The following STARD13 variants were observed in gnomAD, a reference collection of about 807,000 sequenced individuals.
STARD13 encodes the protein StAR related lipid transfer domain containing 13.
In STARD13, 62 loss-of-function variants were observed where a neutral mutation model predicts 106.4. The ratio of observed to expected loss-of-function variants is 0.58; its 90% CI spans 0.48 to 0.72. The LOEUF (loss-of-function observed/expected upper bound fraction) is 0.72, where lower values mean the gene tolerates loss of function less well. STARD13 is among the 30% of genes least tolerant of loss of function. The pLI is 0.00. For missense variants in STARD13, 1,387 were observed against 1,424.0 expected, an observed-to-expected ratio of 0.97 and a Z score of 0.42; for synonymous variants, 565 against 553.0, an observed-to-expected ratio of 1.02 and a Z score of -0.31.
chr13:33,659,305 T>C, the STARD13 span, among the ~76,000 whole-genome samples: 1 of 147,478 alleles, frequency 6.8e-6, no homozygotes, highest in Non-Finnish European at 1.5e-5. Context: ...AACCTCTGCC[T>C]CCCGGGTTCA....
At chr13:33,568,009 T>C in the STARD13 span, among the ~76,000 whole-genome samples, 1 of 145,476 alleles carries the variant, frequency 6.9e-6, no homozygotes, top group South Asian at 2.2e-4. Flanking sequence ...ATTGTTTTTA[T>C]GGATAATGGT....
At chr13:33,647,276 G>A in the STARD13 span, among the ~76,000 whole-genome samples, 136 of 152,140 alleles carry the variant, frequency 8.9e-4, no homozygotes, top group African/African-American at 3.3e-3. Context: ...CATCCCATGG[G>A]ACTCAAAAAA....
chr13:33,448,467 T>C, the STARD13 span, among the ~76,000 whole-genome samples: 2 of 152,264 alleles, frequency 1.3e-5, no homozygotes, highest in Admixed American at 1.3e-4. Context: ...TAGTATTCCA[T>C]TGTGTATATA....
chr13:33,637,424 G>T, the STARD13 span, among the ~76,000 whole-genome samples: 1 of 152,328 alleles, frequency 6.6e-6, no homozygotes, highest in Admixed American at 6.5e-5. Flanking sequence ...TCTGGCCTAG[G>T]GGGTAAATGA....
intron 1 of STARD13, among the ~76,000 whole-genome samples, chr13:33,303,768 G>A (rs975941336): frequency 2.0e-5 from 3 of 152,182 alleles, no homozygotes. Flanking sequence ...CACTCAGTGA[G>A]AAGGTCTTAT....
chr13:33,571,716 G>C, the STARD13 span, among the ~76,000 whole-genome samples: 1 of 152,162 alleles, frequency 6.6e-6, no homozygotes. Context: ...TGCTATGCAG[G>C]GTCCAGGGAT....
Position 33,167,575 on chromosome 13 carries a change from G to A in STARD13, c.217C>T (p.Pro73Ser). Reference sequence around the variant, plus strand: ...CCCTCATATAACTGAGCGTATTGCGGGAACCCGGCAGCACGGAGCCAGTCA... The same window carrying A: ...CCCTCATATAACTGAGCGTATTGCGAGAACCCGGCAGCACGGAGCCAGTCA... ...ACDWLRAAGF[P>S]QYAQLYEDSQ... is the part of the protein sequence containing the mutation. Residue 73 changes from proline (P) to serine (S), a missense_variant, in exon 2 of 14, where the codon CCG becomes TCG. Transcript: ENST00000336934. 6.2e-7 allele frequency: 1 copy of A among 1,614,152 alleles called. No homozygotes were observed. Among genetic ancestry groups the A allele is most frequent in the South Asian group, 1.1e-5 (1 of 91,078 alleles).
the STARD13 span, among the ~76,000 whole-genome samples, chr13:33,446,033 G>A: frequency 6.6e-6 from 1 of 151,968 alleles, no homozygotes; most frequent in Non-Finnish European, 1.5e-5. Context: ...AAAAAGTATA[G>A]GGTTTAAAAA....
chr13:33,340,439 T>C lies in STARD13; in HGVS notation c.124+9851A>G, dbSNP rs561368787. On this transcript the variant is annotated intron_variant, in intron 1 of 5. Coordinates refer to the STARD13 transcript ENST00000567873. ...CAGTGTGGAAAAACACTTTCAAAGA[T>C]GCTTCAAGAAATTTGAAATGTTTCC... Among the ~76,000 whole-genome samples the C allele has an allele frequency of 3.9e-3, 242 of 62,530 alleles. 1 individual carries two copies. Among genetic ancestry groups the C allele is most frequent in the Non-Finnish European group, 5.9e-3 (193 of 32,962 alleles). The allele number at this position is 62,530 out of a possible 152,430, so 41.0% of individuals were successfully genotyped here.
the STARD13 span, among the ~76,000 whole-genome samples, chr13:33,583,435 G>C: frequency 6.6e-6 from 1 of 152,060 alleles, no homozygotes; most frequent in Non-Finnish European, 1.5e-5. Context: ...TCAGCCCCTG[G>C]GGACTTCAGC....
the STARD13 span, among the ~76,000 whole-genome samples, chr13:33,411,515 T>C: frequency 7.2e-5 from 11 of 151,782 alleles, no homozygotes; most frequent in African/African-American, 2.7e-4. Flanking sequence ...ACTTCAGCAA[T>C]GATGAGGCTG....
chr13:33,493,093 T>C, the STARD13 span, among the ~76,000 whole-genome samples: 3 of 152,194 alleles, frequency 2.0e-5, no homozygotes, highest in Non-Finnish European at 4.4e-5. Flanking sequence ...TGCTGGGAGA[T>C]GTACGGACTT....
the STARD13 span, among the ~76,000 whole-genome samples, chr13:33,651,989 T>C: frequency 6.6e-6 from 1 of 152,198 alleles, no homozygotes; most frequent in Non-Finnish European, 1.5e-5. Context: ...GACAGTGTCA[T>C]GTTGAGCAGA....
At chr13:33,671,681 G>A in the STARD13 span, among the ~76,000 whole-genome samples, 1 of 152,150 alleles carries the variant, frequency 6.6e-6, no homozygotes, top group Non-Finnish European at 1.5e-5. Context: ...AGTGGGCTAT[G>A]ACTGGGCCAC....
chr13:33,629,350 G>A, the STARD13 span, among the ~76,000 whole-genome samples: 11 of 152,208 alleles, frequency 7.2e-5, no homozygotes, highest in African/African-American at 2.7e-4. Context: ...TCTAAAGTGT[G>A]TCTCCATTTA....
chr13:33,210,367 T>TA (rs1372949504), intron 1 of STARD13, among the ~76,000 whole-genome samples: 3 of 152,242 alleles, frequency 2.0e-5, no homozygotes, highest in Non-Finnish European at 2.9e-5. Flanking sequence ...TACAGTGCAA[T>TA]AAAAAAACTG....
the STARD13 span, among the ~76,000 whole-genome samples, chr13:33,362,903 C>T: frequency 6.6e-6 from 1 of 152,224 alleles, no homozygotes; most frequent in South Asian, 2.1e-4. Flanking sequence ...GTTTGATACA[C>T]AGTAGATGCT....
chr13:33,377,571 T>C, the STARD13 span, among the ~76,000 whole-genome samples: 1 of 152,000 alleles, frequency 6.6e-6, no homozygotes, highest in African/African-American at 2.4e-5. Flanking sequence ...TAGCAGAGCA[T>C]TTAAATTATT....
chr13:33,129,657 G>C lies in STARD13; in HGVS notation c.1020C>G (p.Ser340Arg). ...TCAGGCAGGGCGTGCTCACCCCGCTGCTGCTGTGCTCCGACGGGCTGCTCT... is the reference window on the plus strand; with the variant it reads ...TCAGGCAGGGCGTGCTCACCCCGCTCCTGCTGTGCTCCGACGGGCTGCTCT... ...SGESSPSEHS[S>R]SGVSTPCLKE... Residue 340 changes from serine to arginine, a missense_variant, in exon 5 of 14, where the codon AGC becomes AGG. Ser to Arg is a moderately radical substitution (Grantham distance 110, BLOSUM62 -1). Coordinates refer to ENST00000336934, the MANE Select transcript of STARD13 (RefSeq NM_178006.4). 2.5e-6 allele frequency: 4 copies of C among 1,613,980 alleles called. No homozygotes were observed. Among genetic ancestry groups the C allele is most frequent in the Non-Finnish European group, 3.4e-6 (4 of 1,180,036 alleles).
Sources: gnomAD v4.1 joint callset for allele counts (sites outside exome capture counted in the v4.1 genomes callset) on GRCh38, gnomAD v4.1.1 for gene constraint, MANE v1.5 for transcripts, NCBI Gene and HGNC (gene_info 2026-07-23, HGNC 2026-07-21) for gene names.